The following TP73 variants were observed in gnomAD, a reference collection of about 807,000 sequenced individuals.
TP73 encodes the protein tumor protein p73.
TP73 carries 25 observed loss-of-function variants against 62.5 expected under a neutral mutation model. That is an observed-to-expected ratio of 0.40 (90% CI 0.29 to 0.56). The LOEUF is 0.56. Ranked by LOEUF, TP73 falls within the 20% of genes least tolerant of loss-of-function variation. The pLI is 0.46. For missense variants in TP73, 754 were observed against 913.3 expected (o/e 0.83, Z 2.25); for synonymous variants, 423 against 377.5 (o/e 1.12, Z -1.40).
At chr1:3,688,178 C>T (rs527912548) in intron 3 of TP73, among the ~76,000 whole-genome samples, 7 of 152,226 alleles carry the variant, frequency 4.6e-5, no homozygotes, top group South Asian at 4.2e-4. Flanking sequence ...CCAGCCCACC[C>T]GTTACCCCCT....
At chr1:3,715,724 C>G (rs935602287) in intron 4 of TP73, among the ~76,000 whole-genome samples, 1 of 152,106 alleles carries the variant, frequency 6.6e-6, no homozygotes, top group Non-Finnish European at 1.5e-5. Flanking sequence ...TGCCTCGCAG[C>G]CTCCCCCAAC....
intron 3 of TP73, among the ~76,000 whole-genome samples, chr1:3,685,956 G>A (rs1645643643): frequency 6.6e-6 from 1 of 152,224 alleles, no homozygotes; most frequent in South Asian, 2.1e-4. Context: ...GCCCGGCCTC[G>A]GGTCAGACAG....
chr1:3,732,358 C>T (rs539539205), intron 13 of TP73, among the ~76,000 whole-genome samples: 7 of 151,890 alleles, frequency 4.6e-5, no homozygotes, highest in East Asian at 1.9e-4. Context: ...CTCCAGGTCA[C>T]GTTAACCCTT....
Position 3,730,204 on chromosome 1 carries a change from C to T in TP73, c.1345+56C>T, listed in dbSNP as rs546038275. ...GCAGGGCGGGGAGGCCCACTGGGGG[C>T]GCCTAGCTCAGGACACACCACCCAG... On this transcript the variant is annotated intron_variant, in intron 11 of 13. Coordinates refer to ENST00000378295, the MANE Select transcript of TP73 (RefSeq NM_005427.4). 27 of 1,456,212 alleles carry T rather than the reference C, an allele frequency of 1.9e-5. No homozygotes were observed. In the Admixed American group the frequency reaches 3.7e-4, roughly 20 times the overall value. The allele number at this position is 1,456,212 out of a possible 1,614,324, so 90.2% of individuals were successfully genotyped here.
chr1:3,658,336 G>A (rs1221897931), intron 1 of TP73, among the ~76,000 whole-genome samples: 1 of 152,218 alleles, frequency 6.6e-6, no homozygotes, highest in East Asian at 1.9e-4. Flanking sequence ...ACAAAAGACA[G>A]ACTCACAAGA....
chr1:3,683,069 C>T lies in TP73; in HGVS notation c.75C>T (p.Asp25=), dbSNP rs755848902. ...FEHLWSSLEP[D]STYFDLPQSS... ...CCTCTCCCTGCCCCAGGGAACCAGA[C>T]AGCACCTACTTCGACCTTCCCCAGT... The change falls in exon 3 of 14, where the codon GAC becomes GAT. Residue 25 remains aspartate, a synonymous_variant. Coordinates refer to ENST00000378295, the MANE Select transcript of TP73 (RefSeq NM_005427.4). The T allele has an allele frequency of 1.9e-6, 3 of 1,607,918 alleles. No homozygotes were observed. The highest frequency in any genetic ancestry group is 2.7e-5 in the African/African-American group (2 of 74,852).
chr1:3,683,351 G>A (rs1324093284), intron 3 of TP73, among the ~76,000 whole-genome samples, 171 bp downstream of exon 3: 1 of 152,182 alleles, frequency 6.6e-6, no homozygotes, highest in Non-Finnish European at 1.5e-5. Context: ...ATCAGCTCAT[G>A]TAACTGTCAA....
chr1:3,697,175 G>C (rs569768982), intron 3 of TP73, among the ~76,000 whole-genome samples: 2 of 108,084 alleles, frequency 1.9e-5, no homozygotes, highest in African/African-American at 6.2e-5. Context: ...CGCGGCCCAC[G>C]TCGCACCCGC....
In TP73 at chr1:3,662,171, T is replaced by C. The variant is rs1459672950; in HGVS notation, c.-34+9530T>C. The C allele has an allele frequency of 6.6e-6, 1 of 152,202 alleles. No homozygotes were observed. The highest frequency in any genetic ancestry group is 6.5e-5 in the Admixed American group (1 of 15,282). The allele number at this position is 152,202 out of a possible 1,614,324, so 9.4% of individuals were successfully genotyped here. ...CAGGCACCTGCTGGAGCAGGAACTC[T>C]TCCTTCACCGGCTTCTGTTGGGGCC... On this transcript the variant is annotated intron_variant, in intron 1 of 13. Transcript: ENST00000378295. This position sits in a 1 kb window ranked among gnomAD's most constrained non-coding sequence, Gnocchi z 4.4.
intron 7 of TP73, 125 bp from the exon 8 acceptor site, chr1:3,727,502 TG>T (rs1172929441): frequency 4.4e-6 from 6 of 1,353,242 alleles, no homozygotes; most frequent in Admixed American, 4.3e-5. Context: ...CTGCCGGCAC[TG>T]GGTGCTCTGT....
intron 3 of TP73, 82 bp from the exon 4 acceptor site, chr1:3,707,467 C>G: frequency 1.3e-6 from 2 of 1,535,684 alleles, no homozygotes; most frequent in Non-Finnish European, 8.8e-7. Flanking sequence ...CTTTAAGGCT[C>G]CTGTAACAGG....
intron 9 of TP73, 73 bp from the exon 10 acceptor site, chr1:3,729,254 C>T: frequency 6.3e-7 from 1 of 1,597,344 alleles, no homozygotes; most frequent in Non-Finnish European, 8.5e-7. Context: ...CCCAGGTCCT[C>T]CTGAGGCTGC....
rs1184015003 is a variant in TP73, at chr1:3,733,365, G to A, written c.*286G>A. On this transcript the variant is annotated 3_prime_UTR_variant, in exon 14 of 14. Coordinates refer to ENST00000378295, the MANE Select transcript of TP73 (RefSeq NM_005427.4). ...CTCTCAGCCCTGCCACTGCCCCGGC[G>A]TGCTCCATGGCAGGCGTGGGTGGGG... is the stretch of plus-strand genomic sequence containing the variant. The A allele has an allele frequency of 2.4e-5, 12 of 497,344 alleles. No individual in the cohort carries two copies. Among genetic ancestry groups the A allele is most frequent in the South Asian group, 1.3e-4 (4 of 31,532 alleles). 30.8% of individuals were successfully genotyped at this position (497,344 alleles called of 1,614,324 possible).
At chr1:3,656,950 A>G (rs1461370074) in intron 1 of TP73, among the ~76,000 whole-genome samples, 4 of 152,272 alleles carry the variant, frequency 2.6e-5, no homozygotes, top group African/African-American at 9.6e-5. Flanking sequence ...GTGTCCGGTA[A>G]TAGCTGCAGC....
intron 1 of TP73, among the ~76,000 whole-genome samples, chr1:3,655,421 T>G (rs1644845634): frequency 6.6e-6 from 1 of 152,218 alleles, no homozygotes; most frequent in South Asian, 2.1e-4. Context: ...TGGTGTGTGT[T>G]TCATGTAACG....
chr1:3,683,081 C>G lies in TP73; in HGVS notation c.87C>G (p.Phe29Leu). 3 of 1,610,628 alleles carry G rather than the reference C, an allele frequency of 1.9e-6. No individual in the cohort carries two copies. In the South Asian group the frequency reaches 3.3e-5, roughly 18 times the overall value. The stretch of plus-strand genomic sequence containing the variant: ...CCAGGGAACCAGACAGCACCTACTT[C>G]GACCTTCCCCAGTCAAGCCGGGGGA... ...WSSLEPDSTY[F>L]DLPQSSRGNN... is the part of the protein sequence containing the mutation. Residue 29 changes from phenylalanine (F) to leucine (L), a missense_variant, in exon 3 of 14, where the codon TTC (phenylalanine) becomes TTG (leucine). By Grantham distance (22) the Phe-to-Leu change is conservative (BLOSUM62 0). Around this residue, in one of 3 missense-constraint regions of TP73, gnomAD observed 235 missense variants for 251.4 expected, o/e 0.93. Coordinates refer to ENST00000378295, the MANE Select transcript of TP73 (RefSeq NM_005427.4).
intron 6 of TP73, among the ~76,000 whole-genome samples, chr1:3,724,836 G>C (rs1324665123): frequency 6.6e-6 from 1 of 152,172 alleles, no homozygotes; most frequent in African/African-American, 2.4e-5. Flanking sequence ...CTGGCCCACA[G>C]GGCGAAACCC....
In TP73 at chr1:3,733,143, CTG is replaced by C; in HGVS notation, c.*70_*71del. 2 of 1,461,524 alleles carry C rather than the reference CTG, an allele frequency of 1.4e-6. No homozygotes were observed. Among genetic ancestry groups the C allele is most frequent in the Middle Eastern group, 1.8e-4 (1 of 5,664 alleles). 90.5% of individuals were successfully genotyped at this position (1,461,524 alleles called of 1,614,324 possible). On this transcript the variant is annotated 3_prime_UTR_variant, in exon 14 of 14. Transcript: ENST00000378295. The stretch of plus-strand genomic sequence containing the variant: ...ACCCAAGCTGCCTCCCCTCTCCTTC[CTG>C]TGTGTCCAAAACTGCCTCAGGAGGC...
intron 3 of TP73, 46 bp from the exon 4 acceptor site, chr1:3,707,503 C>T: frequency 6.3e-6 from 10 of 1,580,984 alleles, no homozygotes; most frequent in Non-Finnish European, 8.6e-6. Flanking sequence ...GACAGGACGA[C>T]TGACTGTGTG....
Sources: allele counts gnomAD v4.1 joint callset (sites outside exome capture counted in the v4.1 genomes callset), GRCh38; gene constraint gnomAD v4.1.1; regional missense constraint gnomAD v4.1.1; non-coding constraint Gnocchi (gnomAD v3.1); transcripts MANE v1.5; gene names NCBI Gene and HGNC (gene_info 2026-07-23, HGNC 2026-07-21).